TSC2: variants seen among roughly 807,000 people sequenced by gnomAD.
TSC2 encodes the protein TSC complex subunit 2, also known as tuberin.
Under a neutral mutation model 202.2 loss-of-function variants are expected in TSC2, and 29 were observed. The ratio of observed to expected loss-of-function variants is 0.14; its 90% CI spans 0.11 to 0.20. TSC2 has a LOEUF of 0.20. Ranked by LOEUF, TSC2 falls within the 10% of genes least tolerant of loss-of-function variation. The probability of loss-of-function intolerance (pLI) is 1.00; values close to 1 mark genes in which losing one functional copy is unlikely to be tolerated. For synonymous variants in TSC2, 1,349 were observed against 1,044.0 expected, an observed-to-expected ratio of 1.29 and a Z score of -5.63; for missense variants, 2,429 against 2,420.0, an observed-to-expected ratio of 1.00 and a Z score of -0.08.
rs750270314 is a variant in TSC2, at chr16:2,050,377, TTTC to T, written c.139-17_139-15del. The T allele has an allele frequency of 7.4e-6, 12 of 1,613,084 alleles. No individual in the cohort carries two copies. Among genetic ancestry groups the T allele is most frequent in the South Asian group, 1.1e-5 (1 of 91,068 alleles). ...ACCGTGGCCTGAGCACTGGCCCCTT[TTTC>T]TTCTTTCATCTCTCTCCAGGAACTG... On this transcript the variant is annotated intron_variant, in intron 2 of 41. Transcript: ENST00000219476.
rs763473889 is a variant in TSC2 at position 2,072,835 on chromosome 16, G to C, written c.2221-14G>C. 3 of 1,613,452 alleles carry C rather than the reference G, an allele frequency of 1.9e-6. No individual in the cohort carries two copies. In the South Asian group the frequency reaches 3.3e-5, roughly 18 times the overall value. ...CCGCTGGGGAGAGGTTTCATGCCTGGATTTGGTCATCAGCTTTCAGGCCCA... is the reference window on the plus strand; with the variant it reads ...CCGCTGGGGAGAGGTTTCATGCCTGCATTTGGTCATCAGCTTTCAGGCCCA... On this transcript the variant is annotated splice_polypyrimidine_tract_variant and intron_variant, in intron 20 of 41. Coordinates refer to ENST00000219476, the MANE Select transcript of TSC2 (RefSeq NM_000548.5).
chr16:2,083,953 C>T (rs1762412561), intron 33 of TSC2, 137 bp downstream of exon 33: 2 of 1,428,242 alleles, frequency 1.4e-6, no homozygotes, highest in Non-Finnish European at 1.9e-6. Context: ...CCCTCGTGCA[C>T]AGACGGTCTG....
At chr16:2,071,656 G>T (rs369488915) in intron 18 of TSC2, 40 bp downstream of exon 18, 2 of 1,611,116 alleles carry the variant, frequency 1.2e-6, no homozygotes, top group Admixed American at 1.7e-5. Flanking sequence ...GGCTCAGGGC[G>T]TCAGAGGCGC....
chr16:2,059,386 A>G (rs1361467555), intron 10 of TSC2, among the ~76,000 whole-genome samples: 3 of 119,996 alleles, frequency 2.5e-5, no homozygotes, highest in Admixed American at 9.9e-5. Flanking sequence ...CTTGTTGCCC[A>G]GGGTGGAGTG....
chr16:2,077,630 T>G lies in TSC2; in HGVS notation c.2870T>G (p.Leu957Trp), dbSNP rs200030367. ...LRIARPPKQG[L>W]NNSPPVKEFK... ...ATAGCCAGACCCCCCAAACAAGGCT[T>G]GAATAACTCTCCACCCGTGAAAGAA... The change falls in exon 26 of 42, where the codon TTG becomes TGG. Residue 957 changes from leucine (L) to tryptophan (W), a missense_variant. Coordinates refer to ENST00000219476, the MANE Select transcript of TSC2 (RefSeq NM_000548.5). 1.2e-6 allele frequency: 2 copies of G among 1,613,128 alleles called. No individual in the cohort carries two copies. The highest frequency in any genetic ancestry group is 4.5e-5 in the East Asian group (2 of 44,870).
chr16:2,055,310 G>A (rs1244358279), intron 5 of TSC2, 92 bp from the exon 6 acceptor site: 8 of 971,054 alleles, frequency 8.2e-6, no homozygotes, highest in Non-Finnish European at 1.0e-5. Context: ...TGGCAGTGAC[G>A]GGTTTGGACA....
rs368807938 is a variant in TSC2 at position 2,076,038 on chromosome 16, G to A, written c.2640-30G>A. ...CCTGGGGATGTTTCCCTGCTGCCAGGATGGAGTGCCAGCCCCCTTCTCATC... is the reference window on the plus strand; with the variant it reads ...CCTGGGGATGTTTCCCTGCTGCCAGAATGGAGTGCCAGCCCCCTTCTCATC... On this transcript the variant is annotated intron_variant, in intron 23 of 41. Coordinates refer to ENST00000219476, the MANE Select transcript of TSC2 (RefSeq NM_000548.5). The A allele has an allele frequency of 5.6e-6, 9 of 1,613,702 alleles. No individual in the cohort carries two copies. In the African/African-American group the frequency reaches 1.2e-4, roughly 22 times the overall value.
At chr16:2,070,015 C>T (rs758230130) in intron 16 of TSC2, among the ~76,000 whole-genome samples, 10 of 152,318 alleles carry the variant, frequency 6.6e-5, no homozygotes, top group Non-Finnish European at 1.5e-4. Flanking sequence ...TGCAAAGGGT[C>T]CCTCAGGCCA....
In TSC2 at chr16:2,072,894, G is replaced by A. The variant is rs1285714005; in HGVS notation, c.2266G>A (p.Gly756Ser). ...TLERLRGAPE[G>S]FSRTDLHLAV... The stretch of plus-strand genomic sequence containing the variant: ...GGAGCGGCTCCGAGGCGCCCCAGAA[G>A]GCTTCTCCAGAACTGACTTGCACCT... The change falls in exon 21 of 42, where the codon GGC (glycine) becomes AGC (serine). Residue 756 changes from glycine (G) to serine (S), a missense_variant. Physicochemically the swap from Gly to Ser is moderately conservative, Grantham distance 56. Transcript: ENST00000219476. 6.2e-7 allele frequency: 1 copy of A among 1,613,618 alleles called. No individual in the cohort carries two copies. Among genetic ancestry groups the A allele is most frequent in the Non-Finnish European group, 8.5e-7 (1 of 1,180,036 alleles).
In TSC2 at chr16:2,055,375, C is replaced by T. The variant is rs200473689; in HGVS notation, c.482-27C>T. On this transcript the variant is annotated intron_variant, in intron 5 of 41. Coordinates refer to ENST00000219476, the MANE Select transcript of TSC2 (RefSeq NM_000548.5). The stretch of plus-strand genomic sequence containing the variant: ...GTGGGAGATGTAGATTCGGCGTCCT[C>T]GCAAACTGCCGCCGCTTCTCCCCCA... 8.3e-4 allele frequency: 1,332 copies of T among 1,595,878 alleles called. 18 individuals are homozygous for T. The South Asian group carries it at 9.9e-3, about 12-fold the overall frequency.
chr16:2,068,111 C>G (rs1466235434), intron 16 of TSC2, among the ~76,000 whole-genome samples: 2 of 152,190 alleles, frequency 1.3e-5, no homozygotes, highest in African/African-American at 4.8e-5. Flanking sequence ...ACGATCTCAC[C>G]TCACTGCAAC....
chr16:2,086,572 C>G (rs559095005), intron 37 of TSC2, among the ~76,000 whole-genome samples, 160 bp from the exon 38 acceptor site: 2 of 152,294 alleles, frequency 1.3e-5, no homozygotes, highest in South Asian at 4.1e-4. Context: ...GTCCCAAAGC[C>G]CTGCCCCTGG....
intron 9 of TSC2, 89 bp downstream of exon 9, chr16:2,057,267 TAG>T (rs1384359077): frequency 4.1e-6 from 6 of 1,453,794 alleles, no homozygotes; most frequent in Non-Finnish European, 5.7e-6. Context: ...CACACTGGCT[TAG>T]AGAGTCCTTG....
intron 16 of TSC2, among the ~76,000 whole-genome samples, chr16:2,069,266 A>G (rs1276331286): frequency 6.6e-6 from 1 of 152,028 alleles, no homozygotes; most frequent in African/African-American, 2.4e-5. Context: ...CGAGGAAGGG[A>G]TGTTGCTTTT....
chr16:2,088,007 C>T (rs2151617981), intron 39 of TSC2, 41 bp from the exon 40 acceptor site: 1 of 1,610,718 alleles, frequency 6.2e-7, no homozygotes, highest in African/African-American at 1.3e-5. Context: ...CAGTGTGGCG[C>T]CAAGAGCCCT....
At position 2,088,743 on chromosome 16, in the gene TSC2, C is replaced by T. The variant is rs1198786097; in HGVS notation, c.*133C>T. Reference sequence around the variant, plus strand: ...ACAGCTCTTTTATTGACTTTGTCTGCTTGGTGCGGGGGTTGGGGGGGTGTC... The same window carrying T: ...ACAGCTCTTTTATTGACTTTGTCTGTTTGGTGCGGGGGTTGGGGGGGTGTC... On this transcript the variant is annotated 3_prime_UTR_variant, in exon 42 of 42. Transcript: ENST00000219476. 7.0e-5 allele frequency: 89 copies of T among 1,280,504 alleles called. No homozygotes were observed. Among genetic ancestry groups the T allele is most frequent in the African/African-American group, 8.9e-5 (6 of 67,082 alleles). 79.3% of individuals were successfully genotyped at this position (1,280,504 alleles called of 1,614,324 possible). A position where few individuals can be genotyped will look rare whatever the true frequency, so the allele number is the denominator to read the frequency against.
chr16:2,079,407 T>A lies in TSC2; in HGVS notation c.3263T>A (p.Leu1088Gln), dbSNP rs753860755. 1 of 1,612,704 alleles carries A rather than the reference T, an allele frequency of 6.2e-7. No homozygotes were observed. Among genetic ancestry groups the A allele is most frequent in the Admixed American group, 1.7e-5 (1 of 60,024 alleles). The stretch of plus-strand genomic sequence containing the variant: ...TTACTAGGCCTGGACTCGGGGGAGC[T>A]GCAGTCCGGCCCGGAGTCGAGGTGA... ...RSLLGLDSGE[L>Q]QSGPESSSSP... is the part of the protein sequence containing the mutation. The change falls in exon 28 of 42, where the codon CTG (leucine) becomes CAG (glutamine). Residue 1088 changes from leucine (L) to glutamine (Q), a missense_variant. Transcript: ENST00000219476. This position sits in a 1 kb window ranked among gnomAD's most constrained non-coding sequence, Gnocchi z 4.6.
chr16:2,074,271 C>G lies in TSC2; in HGVS notation c.2427C>G (p.Ser809=), dbSNP rs182849638. 1 of 1,613,178 alleles carries G rather than the reference C, an allele frequency of 6.2e-7. No individual in the cohort carries two copies. The highest frequency in any genetic ancestry group is 8.5e-7 in the Non-Finnish European group (1 of 1,180,034). ...RCASQCVVAL[S]ICSVEMPDII... ...CCAGCCAGTGCGTCGTGGCCTTGTCCATCTGCAGCGTGGAGATGCCTGACA... is the reference window on the plus strand; with the variant it reads ...CCAGCCAGTGCGTCGTGGCCTTGTCGATCTGCAGCGTGGAGATGCCTGACA... The change falls in exon 22 of 42, where the codon TCC becomes TCG. Residue 809 remains serine, a synonymous_variant. Transcript: ENST00000219476.
In TSC2 at chr16:2,055,218, G is replaced by T. The variant is rs1460779291; in HGVS notation, c.482-184G>T. The T allele has an allele frequency of 5.9e-6, 4 of 676,854 alleles. No individual in the cohort carries two copies. The African/African-American group carries it at 7.0e-5, about 12-fold the overall frequency. 41.9% of individuals were successfully genotyped at this position (676,854 alleles called of 1,614,324 possible). On this transcript the variant is annotated intron_variant, in intron 5 of 41. Transcript: ENST00000219476. ...AGATCCTAGTGTCCGTGCGTAGCCG[G>T]CCTGCCCTGGGCTCCCCTGAGCCTC...
Sources: allele counts gnomAD v4.1 joint callset (sites outside exome capture counted in the v4.1 genomes callset), GRCh38; gene constraint gnomAD v4.1.1; non-coding constraint Gnocchi (gnomAD v3.1); transcripts MANE v1.5; gene names NCBI Gene and HGNC (gene_info 2026-07-23, HGNC 2026-07-21).